Variants in IFFO1 observed in about 807,000 individuals in gnomAD.
The protein encoded by IFFO1 is non-homologous end joining factor IFFO1.
A neutral mutation model predicts 59.6 loss-of-function variants in IFFO1; 42 were observed. That is an observed-to-expected ratio of 0.70 (90% CI 0.55 to 0.91). The LOEUF is 0.91. IFFO1 is among the 40% of genes least tolerant of loss of function. The pLI, the probability that IFFO1 is intolerant of heterozygous loss-of-function variation, is 0.00. For missense variants in IFFO1, 711 were observed against 793.2 expected, an observed-to-expected ratio of 0.90 and a Z score of 1.24; for synonymous variants, 336 against 342.8, an observed-to-expected ratio of 0.98 and a Z score of 0.22.
intron 2 of IFFO1, 53 bp downstream of exon 2, chr12:6,550,888 G>A (rs1297151586): frequency 1.2e-6 from 2 of 1,605,916 alleles, no homozygotes; most frequent in East Asian, 2.2e-5. Flanking sequence ...AGGGTCATGG[G>A]CAGACAGGGG....
chr12:6,551,046 TTCCCTGCCCCCATGGC>T (rs750796306), intron 1 of IFFO1, 45 bp from the exon 2 acceptor site: 50 of 1,595,184 alleles, frequency 3.1e-5, no homozygotes, highest in Non-Finnish European at 4.0e-5. Flanking sequence ...TACAGAGTCC[TTCCCTGCCCCCATGGC>T]TCCCTGTCCC....
rs1429899839 is a variant in IFFO1 at position 6,549,226 on chromosome 12, G to A, written c.1080+250C>T. The A allele has an allele frequency of 5.2e-6, 3 of 579,402 alleles. No homozygotes were observed. The highest frequency in any genetic ancestry group is 9.1e-6 in the Non-Finnish European group (3 of 328,780). The allele number at this position is 579,402 out of a possible 1,614,324, so 35.9% of individuals were successfully genotyped here. A position where few individuals can be genotyped will look rare whatever the true frequency, so the allele number is the denominator to read the frequency against. ...AAGCTTTAGGACGCAAGGAGGATGA[G>A]TGTGCAATGTGTACAAAAGAGAACC... On this transcript the variant is annotated intron_variant, in intron 5 of 9. Transcript: ENST00000619571. The surrounding 1 kb of genome is among the most constrained non-coding windows in gnomAD (Gnocchi z 5.0).
rs1947133288 is a variant in IFFO1, at chr12:6,549,406, G to A, written c.1080+70C>T. ...AAGAGCCCAGCGGGCCCAAACTGAG[G>A]GCCAGGAGGCCTAGGCAGCTTAGAA... On this transcript the variant is annotated intron_variant, in intron 5 of 9. Coordinates refer to ENST00000619571, the MANE Select transcript of IFFO1 (RefSeq NM_001193457.2). The surrounding 1 kb of genome is among the most constrained non-coding windows in gnomAD (Gnocchi z 5.0). The A allele has an allele frequency of 3.8e-6, 6 of 1,584,606 alleles. No homozygotes were observed. The highest frequency in any genetic ancestry group is 5.2e-6 in the Non-Finnish European group (6 of 1,155,040).
At position 6,540,371 on chromosome 12, in the gene IFFO1, GGGACC is replaced by G; in HGVS notation, c.*107_*111del. The stretch of plus-strand genomic sequence containing the variant: ...TGAGGGAGGAGCGCCCCAGTCCCCA[GGGACC>G]GGCCTGGTGCAGAGCTGCAGCTGAT... On this transcript the variant is annotated 3_prime_UTR_variant, in exon 10 of 10. Transcript: ENST00000619571. The G allele has an allele frequency of 2.2e-6, 2 of 896,996 alleles. No homozygotes were observed. The highest frequency in any genetic ancestry group is 2.7e-5 in the South Asian group (2 of 73,724). The allele number at this position is 896,996 out of a possible 1,614,324, so 55.6% of individuals were successfully genotyped here.
chr12:6,548,706 G>A lies in IFFO1; in HGVS notation c.1224C>T (p.Leu408=). The A allele has an allele frequency of 6.2e-7, 1 of 1,614,100 alleles. No homozygotes were observed. Among genetic ancestry groups the A allele is most frequent in the Non-Finnish European group, 8.5e-7 (1 of 1,180,024 alleles). The change falls in exon 6 of 10, where the codon CTC becomes CTT. Residue 408 remains leucine (L), a synonymous_variant. Coordinates refer to ENST00000619571, the MANE Select transcript of IFFO1 (RefSeq NM_001193457.2). The surrounding 1 kb of genome is among the most constrained non-coding windows in gnomAD (Gnocchi z 6.1). ...PDGDEEESTA[L]SINEEMQRML... is the part of the protein sequence containing the mutation. ...TGCGCTGCATCTCCTCGTTGATGCT[G>A]AGGGCTGTGCTCTCCTCCTCATCCC... is the stretch of plus-strand genomic sequence containing the variant.
In IFFO1 at chr12:6,555,262, C is replaced by T. The variant is rs753842365; in HGVS notation, c.768G>A (p.Lys256=). The T allele has an allele frequency of 3.1e-6, 5 of 1,614,156 alleles. No individual in the cohort carries two copies. Among genetic ancestry groups the T allele is most frequent in the Non-Finnish European group, 4.2e-6 (5 of 1,180,000 alleles). ...CCCCCTTTCCCAATCCCTACCTCCG[C>T]TTGTACTCGTCCCGCTCCCGCTTCA... is the stretch of plus-strand genomic sequence containing the variant. ...AKVKRERDEY[K]RRWEEEYTVR... is the part of the protein sequence containing the mutation. Residue 256 remains lysine, a synonymous_variant, in exon 1 of 10, where the codon AAG becomes AAA. Coordinates refer to ENST00000619571, the MANE Select transcript of IFFO1 (RefSeq NM_001193457.2). This position sits in a 1 kb window ranked among gnomAD's most constrained non-coding sequence, Gnocchi z 8.6.
intron 1 of IFFO1, 50 bp from the exon 2 acceptor site, chr12:6,551,051 T>G: frequency 1.0e-5 from 16 of 1,574,210 alleles, no homozygotes; most frequent in Non-Finnish European, 1.4e-5. Context: ...AGTCCTTCCC[T>G]GCCCCCATGG....
chr12:6,555,529 G>C lies in IFFO1; in HGVS notation c.501C>G (p.Leu167=), dbSNP rs1432980211. 12 of 1,557,804 alleles carry C rather than the reference G, an allele frequency of 7.7e-6. No homozygotes were observed. Among genetic ancestry groups the C allele is most frequent in the Non-Finnish European group, 1.0e-5 (12 of 1,153,610 alleles). The part of the protein sequence containing the change: ...GSPARSPAGP[L]APSAASLSSS... ...ACGAGAGGCTGGCCGCGGAGGGCGC[G>C]AGGGGGCCGGCCGGGGAGCGCGCGG... The change falls in exon 1 of 10, where the codon CTC becomes CTG. Residue 167 remains leucine, a synonymous_variant. Coordinates refer to ENST00000619571, the MANE Select transcript of IFFO1 (RefSeq NM_001193457.2). This position sits in a 1 kb window ranked among gnomAD's most constrained non-coding sequence, Gnocchi z 8.6.
chr12:6,540,554 C>A lies in IFFO1; in HGVS notation c.1645G>T (p.Asp549Tyr). The A allele has an allele frequency of 6.2e-7, 1 of 1,613,884 alleles. No homozygotes were observed. The change falls in exon 10 of 10, where the codon GAC becomes TAC. Residue 549 changes from aspartate (D) to tyrosine (Y), a missense_variant. Physicochemically the swap from Asp to Tyr is radical, Grantham distance 160 (BLOSUM62 -3). This residue lies in a region of IFFO1 where 579 missense variants were observed against 650.3 expected (regional missense o/e 0.89). Coordinates refer to ENST00000619571, the MANE Select transcript of IFFO1 (RefSeq NM_001193457.2). ...GCCTCGCTTGGCGGCGGCGGCGGGTCGCTAAGCGGGACCGCAGTGAAAGCA... is the reference window on the plus strand; with the variant it reads ...GCCTCGCTTGGCGGCGGCGGCGGGTAGCTAAGCGGGACCGCAGTGAAAGCA... ...SPAFTAVPLS[D>Y]PPPPPSEAED...
Position 6,555,260 on chromosome 12 carries a change from C to T in IFFO1, c.770G>A (p.Arg257Gln), listed in dbSNP as rs1947383209. ...KVKRERDEYK[R>Q]RWEEEYTVRI... ...GTCCCCCTTTCCCAATCCCTACCTCCGCTTGTACTCGTCCCGCTCCCGCTT... is the reference window on the plus strand; with the variant it reads ...GTCCCCCTTTCCCAATCCCTACCTCTGCTTGTACTCGTCCCGCTCCCGCTT... The change falls in exon 1 of 10, where the codon CGG becomes CAG. Residue 257 changes from arginine (R) to glutamine (Q), a missense_variant. Physicochemically the swap from Arg to Gln is conservative, Grantham distance 43 (BLOSUM62 1). This residue lies in a region of IFFO1 where 579 missense variants were observed against 650.3 expected (regional missense o/e 0.89). Transcript: ENST00000619571. The surrounding 1 kb of genome is among the most constrained non-coding windows in gnomAD (Gnocchi z 8.6). The T allele has an allele frequency of 3.7e-6, 6 of 1,614,144 alleles. No individual in the cohort carries two copies. Among genetic ancestry groups the T allele is most frequent in the Non-Finnish European group, 5.1e-6 (6 of 1,180,004 alleles).
rs530030530 is a variant in IFFO1 at position 6,548,237 on chromosome 12, G to A, written c.1384-77C>T. On this transcript the variant is annotated intron_variant, in intron 7 of 9. Transcript: ENST00000619571. This position sits in a 1 kb window ranked among gnomAD's most constrained non-coding sequence, Gnocchi z 6.1. ...ACGCATTCCAAAGGGCCAAGTCAGGGAGAGAGAGAGAGAGGAAGTCTGGTT... is the reference window on the plus strand; with the variant it reads ...ACGCATTCCAAAGGGCCAAGTCAGGAAGAGAGAGAGAGAGGAAGTCTGGTT... The A allele has an allele frequency of 2.0e-6, 2 of 1,009,838 alleles. No homozygotes were observed. The highest frequency in any genetic ancestry group is 3.2e-5 in the African/African-American group (2 of 61,638). The allele number at this position is 1,009,838 out of a possible 1,614,324, so 62.6% of individuals were successfully genotyped here. A position where few individuals can be genotyped will look rare whatever the true frequency, so the allele number is the denominator to read the frequency against.
chr12:6,540,194 T>A lies in IFFO1; in HGVS notation c.*289A>T. The A allele has an allele frequency of 1.9e-6, 1 of 521,102 alleles. No homozygotes were observed. Among genetic ancestry groups the A allele is most frequent in the Admixed American group, 3.5e-5 (1 of 28,654 alleles). 32.3% of individuals were successfully genotyped at this position (521,102 alleles called of 1,614,324 possible). A position where few individuals can be genotyped will look rare whatever the true frequency, so the allele number is the denominator to read the frequency against. On this transcript the variant is annotated 3_prime_UTR_variant, in exon 10 of 10. Coordinates refer to ENST00000619571, the MANE Select transcript of IFFO1 (RefSeq NM_001193457.2). ...ACAAGGTGAGGGGCCGCAATCGCTCTGGCAGCATTTTAAAGATGGGGAAGT... is the reference window on the plus strand; with the variant it reads ...ACAAGGTGAGGGGCCGCAATCGCTCAGGCAGCATTTTAAAGATGGGGAAGT...
chr12:6,549,955 T>G lies in IFFO1; in HGVS notation c.931-59A>C. ...GCCCAGTTCTCCAGACAAGGACGAA[T>G]TAGGCCTGGCAAGGTCCTCATCCTT... is the stretch of plus-strand genomic sequence containing the variant. On this transcript the variant is annotated intron_variant, in intron 3 of 9. Transcript: ENST00000619571. The surrounding 1 kb of genome is among the most constrained non-coding windows in gnomAD (Gnocchi z 5.0). The G allele has an allele frequency of 6.4e-7, 1 of 1,558,836 alleles. No homozygotes were observed.
Position 6,548,948 on chromosome 12 carries a change from G to A in IFFO1, c.1081-99C>T, listed in dbSNP as rs1035030061. 3.0e-5 allele frequency: 29 copies of A among 978,424 alleles called. No homozygotes were observed. Among genetic ancestry groups the A allele is most frequent in the Non-Finnish European group, 3.8e-5 (25 of 663,288 alleles). 60.6% of individuals were successfully genotyped at this position (978,424 alleles called of 1,614,324 possible). A position where few individuals can be genotyped will look rare whatever the true frequency, so the allele number is the denominator to read the frequency against. On this transcript the variant is annotated intron_variant, in intron 5 of 9. Coordinates refer to ENST00000619571, the MANE Select transcript of IFFO1 (RefSeq NM_001193457.2). The surrounding 1 kb of genome is among the most constrained non-coding windows in gnomAD (Gnocchi z 6.1). ...GGAGAAGCATGAACCAGTAGGAAGG[G>A]GGGGCAGACAGAGAGAAAAGTCACA...
intron 2 of IFFO1, 58 bp downstream of exon 2, chr12:6,550,883 C>T: frequency 1.2e-6 from 2 of 1,606,270 alleles, no homozygotes; most frequent in Non-Finnish European, 1.7e-6. Context: ...GCAGCAGGGT[C>T]ATGGGCAGAC....
At position 6,540,033 on chromosome 12, in the gene IFFO1, G is replaced by A. The variant is rs1320242190; in HGVS notation, c.*450C>T. The stretch of plus-strand genomic sequence containing the variant: ...CCTCTCCAGCTGCGTGTGCTGCAGA[G>A]GCCATGCGTAGCCTCCAGCTGCATT... On this transcript the variant is annotated 3_prime_UTR_variant, in exon 10 of 10. Coordinates refer to ENST00000619571, the MANE Select transcript of IFFO1 (RefSeq NM_001193457.2). 4.6e-6 allele frequency: 1 copy of A among 217,112 alleles called. No homozygotes were observed. Among genetic ancestry groups the A allele is most frequent in the Non-Finnish European group, 9.5e-6 (1 of 105,274 alleles). 13.4% of individuals were successfully genotyped at this position (217,112 alleles called of 1,614,324 possible).
intron 8 of IFFO1, among the ~76,000 whole-genome samples, chr12:6,542,422 C>T (rs1026651631): frequency 2.0e-5 from 3 of 152,316 alleles, no homozygotes; most frequent in Non-Finnish European, 2.9e-5. Context: ...CAGGGACAGT[C>T]GACTGCCTCT....
downstream of IFFO1, chr12:6,539,131 A>G (rs1021142342): frequency 1.3e-5 from 2 of 152,242 alleles, no homozygotes; most frequent in Non-Finnish European, 2.9e-5. Context: ...CCCGGGCCTC[A>G]CTTTGCACGT....
At chr12:6,546,960 G>A (rs1013385825) in intron 8 of IFFO1, among the ~76,000 whole-genome samples, 57 of 152,290 alleles carry the variant, frequency 3.7e-4, no homozygotes, top group African/African-American at 1.3e-3. Flanking sequence ...GTCCATCTCT[G>A]AGTGCCATGG....
Sources: allele counts gnomAD v4.1 joint callset (sites outside exome capture counted in the v4.1 genomes callset), GRCh38; gene constraint gnomAD v4.1.1; regional missense constraint gnomAD v4.1.1; non-coding constraint Gnocchi (gnomAD v3.1); transcripts MANE v1.5; gene names NCBI Gene and HGNC (gene_info 2026-07-23, HGNC 2026-07-21).